TNFRSF10A: variants seen among roughly 807,000 people sequenced by gnomAD.
TNFRSF10A encodes tumor necrosis factor receptor superfamily member 10A.
Under a neutral mutation model 42.8 loss-of-function variants are expected in TNFRSF10A, and 44 were observed. The ratio of observed to expected loss-of-function variants is 1.03; its 90% CI spans 0.81 to 1.32. The LOEUF (loss-of-function observed/expected upper bound fraction) is 1.32. TNFRSF10A is among the 40% of genes most tolerant of loss of function. The probability of loss-of-function intolerance (pLI) is 0.00; values close to 1 mark genes in which losing one functional copy is unlikely to be tolerated. For synonymous variants in TNFRSF10A, 259 were observed against 234.2 expected (o/e 1.11, Z -0.97); for missense variants, 680 against 602.0 (o/e 1.13, Z -1.36).
chr8:23,203,985 A>T (rs895966599), intron 2 of TNFRSF10A, among the ~76,000 whole-genome samples: 5 of 151,946 alleles, frequency 3.3e-5, no homozygotes, highest in African/African-American at 1.2e-4. Context: ...ACTAGGTTTC[A>T]CCAGGATGGT....
rs747179053 is a variant in TNFRSF10A at position 23,200,772 on chromosome 8, CAGGG to C, written c.630-16_630-13del. ...TCCCTCTGGGGCACCTGGGTACACA[CAGGG>C]AGGGAGGGGGGGGACTCTTGATGGA... On this transcript the variant is annotated splice_polypyrimidine_tract_variant and intron_variant, in intron 4 of 9. Coordinates refer to ENST00000221132, the MANE Select transcript of TNFRSF10A (RefSeq NM_003844.4). The C allele has an allele frequency of 6.7e-5, 98 of 1,455,524 alleles. No homozygotes were observed. The highest frequency in any genetic ancestry group is 1.9e-4 in the African/African-American group (13 of 68,410). The allele number at this position is 1,455,524 out of a possible 1,614,324, so 90.2% of individuals were successfully genotyped here.
rs1800755929 is a variant in TNFRSF10A at position 23,191,721 on chromosome 8, G to A, written c.1380C>T (p.Gly460=). The A allele has an allele frequency of 6.2e-7, 1 of 1,613,892 alleles. No individual in the cohort carries two copies. Among genetic ancestry groups the A allele is most frequent in the South Asian group, 1.1e-5 (1 of 91,076 alleles). The change falls in exon 10 of 10, where the codon GGC becomes GGT. Residue 460 remains glycine (G), a synonymous_variant. Transcript: ENST00000221132. ...ACTCCAAGGACACGGCAGAGCCTGT[G>A]CCATCTTCTAAGTAGATGAACTTTC... The part of the protein sequence containing the change: ...DSGKFIYLED[G]TGSAVSLE
chr8:23,221,753 A>G (rs1801259455), intron 1 of TNFRSF10A, among the ~76,000 whole-genome samples: 1 of 152,194 alleles, frequency 6.6e-6, no homozygotes. Context: ...TGGATCCTTG[A>G]AAATCTCTAA....
At chr8:23,200,202 C>G (rs1454635277) in intron 6 of TNFRSF10A, among the ~76,000 whole-genome samples, 1 of 152,246 alleles carries the variant, frequency 6.6e-6, no homozygotes, top group African/African-American at 2.4e-5. Flanking sequence ...CGTCTCGACT[C>G]TTGTCATCCA....
chr8:23,208,976 G>T (rs774357278), intron 2 of TNFRSF10A, among the ~76,000 whole-genome samples: 1 of 152,154 alleles, frequency 6.6e-6, no homozygotes, highest in Non-Finnish European at 1.5e-5. Context: ...TCACAGGCCC[G>T]AAGGCCTAGG....
At chr8:23,192,791 G>A (rs1183121270) in intron 9 of TNFRSF10A, among the ~76,000 whole-genome samples, 1 of 152,112 alleles carries the variant, frequency 6.6e-6, no homozygotes, top group Non-Finnish European at 1.5e-5. Context: ...CCATAGAAAG[G>A]TTTTTTTGAT....
At chr8:23,199,716 T>C (rs906224829) in intron 7 of TNFRSF10A, among the ~76,000 whole-genome samples, 170 bp downstream of exon 7, 1 of 152,150 alleles carries the variant, frequency 6.6e-6, no homozygotes, top group Non-Finnish European at 1.5e-5. Flanking sequence ...CCAGCCTGTA[T>C]GATGCTCAAA....
chr8:23,199,599 C>A, intron 7 of TNFRSF10A, 151 bp from the exon 8 acceptor site: 2 of 1,060,272 alleles, frequency 1.9e-6, no homozygotes, highest in African/African-American at 1.6e-5. Flanking sequence ...GCTGCTGGGG[C>A]CAGGCCCTGG....
intron 1 of TNFRSF10A, among the ~76,000 whole-genome samples, chr8:23,222,155 G>A (rs180883270): frequency 3.3e-4 from 51 of 152,258 alleles, no homozygotes; most frequent in Admixed American, 6.5e-4. Context: ...GGGATTACAG[G>A]CGTTAGCCAC....
chr8:23,211,862 T>C (rs1047640253), intron 2 of TNFRSF10A, among the ~76,000 whole-genome samples: 5 of 152,242 alleles, frequency 3.3e-5, no homozygotes, highest in East Asian at 3.9e-4. Context: ...TTTACAAAAA[T>C]TAACTGAAAA....
At chr8:23,212,307 T>TA in intron 1 of TNFRSF10A, 95 bp from the exon 2 acceptor site, 1 of 1,048,042 alleles carries the variant, frequency 9.5e-7, no homozygotes, top group East Asian at 2.6e-5. Context: ...CCTCCAAAAT[T>TA]AGACAGAACT....
chr8:23,200,446 G>A, intron 6 of TNFRSF10A, 59 bp downstream of exon 6: 1 of 1,586,682 alleles, frequency 6.3e-7, no homozygotes, highest in Non-Finnish European at 8.7e-7. Flanking sequence ...TCTGTCTGTG[G>A]GAACAGAAGA....
intron 2 of TNFRSF10A, among the ~76,000 whole-genome samples, chr8:23,205,270 G>C (rs990609579): frequency 6.6e-6 from 1 of 152,048 alleles, no homozygotes; most frequent in South Asian, 2.1e-4. Context: ...CATATGTGAC[G>C]GTGGTCCCAT....
At chr8:23,207,347 C>G in intron 2 of TNFRSF10A, 1 of 586,358 alleles carries the variant, frequency 1.7e-6, no homozygotes, top group Non-Finnish European at 3.3e-6. Flanking sequence ...TTGGATGTTG[C>G]CAACAAAATT....
chr8:23,216,246 C>A (rs1801178378), intron 1 of TNFRSF10A, among the ~76,000 whole-genome samples: 1 of 152,076 alleles, frequency 6.6e-6, no homozygotes, highest in South Asian at 2.1e-4. Flanking sequence ...GTTGTTACTA[C>A]CTTTGAGTTT....
At position 23,199,465 on chromosome 8, in the gene TNFRSF10A, G is replaced by A. The variant is rs1337031428; in HGVS notation, c.832-17C>T. On this transcript the variant is annotated splice_polypyrimidine_tract_variant and intron_variant, in intron 7 of 9. Coordinates refer to ENST00000221132, the MANE Select transcript of TNFRSF10A (RefSeq NM_003844.4). ...GAAACACACCTTAGGAAGGCAAAGA[G>A]CCAACTCAGAAGCCCACACCCAGGG... is the stretch of plus-strand genomic sequence containing the variant. The A allele has an allele frequency of 1.9e-6, 3 of 1,603,338 alleles. No individual in the cohort carries two copies. Among genetic ancestry groups the A allele is most frequent in the Non-Finnish European group, 2.6e-6 (3 of 1,171,210 alleles).
chr8:23,207,267 G>T (rs1407861158), intron 2 of TNFRSF10A: 7 of 597,452 alleles, frequency 1.2e-5, no homozygotes, highest in Non-Finnish European at 1.9e-5. Flanking sequence ...TGTGGCCAAG[G>T]TTCAACACCC....
At chr8:23,195,879 T>C (rs369018206) in intron 9 of TNFRSF10A, among the ~76,000 whole-genome samples, 37 of 152,192 alleles carry the variant, frequency 2.4e-4, no homozygotes, top group African/African-American at 8.9e-4. Context: ...GCCAGAAAGA[T>C]CCAGGACCAG....
At chr8:23,214,806 C>G (rs757172062) in intron 1 of TNFRSF10A, among the ~76,000 whole-genome samples, 1 of 152,106 alleles carries the variant, frequency 6.6e-6, no homozygotes, top group Non-Finnish European at 1.5e-5. Context: ...GATACTGAAT[C>G]AAATATTAAA....
Sources: gnomAD v4.1 joint callset for allele counts (sites outside exome capture counted in the v4.1 genomes callset) on GRCh38, gnomAD v4.1.1 for gene constraint, MANE v1.5 for transcripts, NCBI Gene and HGNC (gene_info 2026-07-23, HGNC 2026-07-21) for gene names.